RAB31: variants seen among roughly 807,000 people sequenced by gnomAD.
RAB31 encodes the protein ras-related protein Rab-31.
Under a neutral mutation model 25.6 loss-of-function variants are expected in RAB31, and 21 were observed. That is an observed-to-expected ratio of 0.82 (90% CI 0.58 to 1.18). The LOEUF is 1.18. Ranked by LOEUF, RAB31 falls within the 50% of genes most tolerant of loss-of-function variation. RAB31 has a pLI of 0.00. For synonymous variants in RAB31, 87 were observed against 84.0 expected (o/e 1.04, Z -0.20); for missense variants, 196 against 250.1 (o/e 0.78, Z 1.46).
At chr18:9,826,031 G>A (rs900685318) in intron 5 of RAB31, among the ~76,000 whole-genome samples, 10 of 151,970 alleles carry the variant, frequency 6.6e-5, no homozygotes, top group Non-Finnish European at 1.3e-4. Flanking sequence ...GTGTCACCCC[G>A]CATACCCATG....
At chr18:9,837,961 T>C (rs923983533) in intron 5 of RAB31, among the ~76,000 whole-genome samples, 8 of 152,238 alleles carry the variant, frequency 5.3e-5, no homozygotes, top group African/African-American at 1.9e-4. Context: ...TTGTTTCTTC[T>C]ACTCGCATCA....
chr18:9,781,158 T>G (rs2068402144), intron 2 of RAB31, among the ~76,000 whole-genome samples: 1 of 151,986 alleles, frequency 6.6e-6, no homozygotes, highest in East Asian at 1.9e-4. Flanking sequence ...TAGGTATTTT[T>G]TTTTGTACAA....
chr18:9,805,255 C>T lies in RAB31; in HGVS notation c.202-8765C>T, dbSNP rs372137997. Among the ~76,000 whole-genome samples the T allele has an allele frequency of 4.6e-5, 6 of 131,274 alleles. No homozygotes were observed. In the East Asian group the frequency reaches 1.1e-3, roughly 24 times the overall value. The allele number at this position is 131,274 out of a possible 152,430, so 86.1% of individuals were successfully genotyped here. A position where few individuals can be genotyped will look rare whatever the true frequency, so the allele number is the denominator to read the frequency against. On this transcript the variant is annotated intron_variant, in intron 3 of 6. Transcript: ENST00000578921. ...TGGGCAACAGAATGAGACCTTGTCTCAAAACAAAAACAAAAACATAAAAAG... is the reference window on the plus strand; with the variant it reads ...TGGGCAACAGAATGAGACCTTGTCTTAAAACAAAAACAAAAACATAAAAAG...
intron 1 of RAB31, among the ~76,000 whole-genome samples, chr18:9,729,840 G>A (rs1436199763): frequency 6.6e-6 from 1 of 152,122 alleles, no homozygotes; most frequent in Non-Finnish European, 1.5e-5. Flanking sequence ...AAAAATCAGA[G>A]CCAGTAGTGT....
rs559690830 is a variant in RAB31, at chr18:9,849,435, T to G, written c.490+3744T>G. 4.9e-4 allele frequency among the ~76,000 whole-genome samples: 75 copies of G among 152,334 alleles called. 1 individual carries two copies. Among genetic ancestry groups the G allele is most frequent in the Non-Finnish European group, 2.9e-5 (2 of 68,026 alleles). On this transcript the variant is annotated intron_variant, in intron 6 of 6. Transcript: ENST00000578921. ...TCACTTTTCTCTGGGAATTTAAGGTTGAAGAACAGCAAATTAGACAAGCCT... is the reference window on the plus strand; with the variant it reads ...TCACTTTTCTCTGGGAATTTAAGGTGGAAGAACAGCAAATTAGACAAGCCT...
intron 6 of RAB31, among the ~76,000 whole-genome samples, chr18:9,848,256 A>G (rs981991339): frequency 1.1e-4 from 17 of 151,780 alleles, no homozygotes; most frequent in Admixed American, 9.8e-4. Context: ...TTGGCTGTCT[A>G]TCTGTCCATC....
intron 1 of RAB31, among the ~76,000 whole-genome samples, chr18:9,710,289 G>A (rs1478712330): frequency 6.6e-6 from 1 of 152,168 alleles, no homozygotes; most frequent in African/African-American, 2.4e-5. Flanking sequence ...TTAGGCAGAG[G>A]ACTACACCAG....
At chr18:9,835,725 G>GT (rs778803002) in intron 5 of RAB31, among the ~76,000 whole-genome samples, 6 of 152,200 alleles carry the variant, frequency 3.9e-5, no homozygotes, top group South Asian at 2.1e-4. Flanking sequence ...GCTATTCTTT[G>GT]TTTTTTTCAA....
At position 9,778,573 on chromosome 18, in the gene RAB31, C is replaced by T. The variant is rs547875399; in HGVS notation, c.119+3216C>T. On this transcript the variant is annotated intron_variant, in intron 2 of 6. Transcript: ENST00000578921. ...GCAACCTCCGCCTCCTGAGTTCAAGCGATTCTCCTGCCTCAGCCTCCCAAG... is the reference window on the plus strand; with the variant it reads ...GCAACCTCCGCCTCCTGAGTTCAAGTGATTCTCCTGCCTCAGCCTCCCAAG... 4.6e-5 allele frequency among the ~76,000 whole-genome samples: 7 copies of T among 152,230 alleles called. No individual in the cohort carries two copies. The East Asian group carries it at 5.8e-4, about 13-fold the overall frequency.
chr18:9,732,754 G>GGC, intron 1 of RAB31, among the ~76,000 whole-genome samples: 1 of 152,316 alleles, frequency 6.6e-6, no homozygotes, highest in Non-Finnish European at 1.5e-5. Flanking sequence ...GAACACCCTG[G>GGC]GCTGGAGTCT....
chr18:9,839,515 G>C (rs76650923), intron 5 of RAB31, among the ~76,000 whole-genome samples: 4 of 152,212 alleles, frequency 2.6e-5, no homozygotes, highest in African/African-American at 9.6e-5. Context: ...GAAGCGAAGA[G>C]GGGGTGACTG....
chr18:9,741,354 G>A (rs2068177821), intron 1 of RAB31, among the ~76,000 whole-genome samples: 1 of 123,924 alleles, frequency 8.1e-6, no homozygotes, highest in South Asian at 2.6e-4. Flanking sequence ...TCCAGCCTGG[G>A]CAACAGAGTA....
chr18:9,825,786 C>G (rs1027632434), intron 5 of RAB31, among the ~76,000 whole-genome samples: 5 of 152,228 alleles, frequency 3.3e-5, no homozygotes, highest in African/African-American at 7.2e-5. Flanking sequence ...AATGACTCAT[C>G]ATCTTTCAGG....
intron 2 of RAB31, among the ~76,000 whole-genome samples, chr18:9,776,741 A>C (rs1030650882): frequency 3.9e-5 from 6 of 152,246 alleles, no homozygotes; most frequent in Non-Finnish European, 5.9e-5. Context: ...CCTCACATGC[A>C]GGGGGCTGTG....
chr18:9,712,050 C>T (rs529293419), intron 1 of RAB31, among the ~76,000 whole-genome samples: 1 of 152,346 alleles, frequency 6.6e-6, no homozygotes, highest in African/African-American at 2.4e-5. Context: ...GAGTCATTTG[C>T]AGCAGGTGGG....
intron 1 of RAB31, among the ~76,000 whole-genome samples, chr18:9,764,757 C>A (rs532368929): frequency 6.6e-6 from 1 of 152,134 alleles, no homozygotes; most frequent in East Asian, 1.9e-4. Flanking sequence ...CTGATTCTTT[C>A]ATGGAGGGAA....
Position 9,756,753 on chromosome 18 carries a change from A to G in RAB31, c.40-18525A>G, listed in dbSNP as rs1229021748. 4.6e-5 allele frequency among the ~76,000 whole-genome samples: 7 copies of G among 152,346 alleles called. No individual in the cohort carries two copies. In the East Asian group the frequency reaches 5.8e-4, roughly 13 times the overall value. Reference sequence around the variant, plus strand: ...ATGCTTGGCACGTAGTAGGTGCTCAATAAAAATGCAGCAAATGAATGAACA... The same window carrying G: ...ATGCTTGGCACGTAGTAGGTGCTCAGTAAAAATGCAGCAAATGAATGAACA... On this transcript the variant is annotated intron_variant, in intron 1 of 6. Coordinates refer to ENST00000578921, the MANE Select transcript of RAB31 (RefSeq NM_006868.4).
chr18:9,850,646 A>T (rs1321108962), intron 6 of RAB31, among the ~76,000 whole-genome samples: 2 of 152,176 alleles, frequency 1.3e-5, no homozygotes, highest in African/African-American at 4.8e-5. Context: ...GACACTAGAG[A>T]CATTAGACCA....
Position 9,757,793 on chromosome 18 carries a change from C to T in RAB31, c.40-17485C>T, listed in dbSNP as rs139081294. Among the ~76,000 whole-genome samples, 798 of 152,322 alleles carry T rather than the reference C, an allele frequency of 5.2e-3. 6 individuals are homozygous for T. The highest frequency in any genetic ancestry group is 0.019 in the African/African-American group (772 of 41,570). ...AGAGCCACTGGGTTAGGGCAGAGGG[C>T]GAGAGGCCCTCTTTGAGGCCACCTG... is the stretch of plus-strand genomic sequence containing the variant. On this transcript the variant is annotated intron_variant, in intron 1 of 6. Coordinates refer to ENST00000578921, the MANE Select transcript of RAB31 (RefSeq NM_006868.4).
Sources: allele counts gnomAD v4.1 joint callset (sites outside exome capture counted in the v4.1 genomes callset), GRCh38; gene constraint gnomAD v4.1.1; transcripts MANE v1.5; gene names NCBI Gene and HGNC (gene_info 2026-07-23, HGNC 2026-07-21).